OFD1: variants seen among roughly 807,000 people sequenced by gnomAD.
OFD1 encodes the protein centriole and centriolar satellite protein OFD1.
In OFD1, 12 loss-of-function variants were observed where a neutral mutation model predicts 81.4. The ratio of observed to expected loss-of-function variants is 0.15; its 90% CI spans 0.09 to 0.24. The LOEUF is 0.24. OFD1 is among the 10% of genes least tolerant of loss of function. OFD1 has a pLI of 1.00. For synonymous variants in OFD1, 256 were observed against 263.7 expected, an observed-to-expected ratio of 0.97 and a Z score of 0.28; for missense variants, 685 against 733.9, an observed-to-expected ratio of 0.93 and a Z score of 0.77.
the OFD1 span, among the ~76,000 whole-genome samples, chrX:13,718,049 A>G: frequency 1.8e-5 from 2 of 112,505 alleles, no homozygotes; most frequent in Non-Finnish European, 3.8e-5. Flanking sequence ...AGAGGCCTGG[A>G]CAGACCCTTG....
At chrX:13,752,938 G>C in intron 10 of OFD1, 1 of 905,385 alleles carries the variant, frequency 1.1e-6, no homozygotes, top group Non-Finnish European at 1.4e-6. Context: ...CTTAGTCCCT[G>C]AGCACAAAAG....
chrX:13,766,408 T>C lies in OFD1; in HGVS notation c.2600-719T>C, dbSNP rs907700625. The stretch of plus-strand genomic sequence containing the variant: ...GAGTGGATAGAGGGTAGAAAGAGCA[T>C]GATCGAAGGACCGGGATGATCATGC... On this transcript the variant is annotated intron_variant, in intron 19 of 22. Transcript: ENST00000340096. Among the ~76,000 whole-genome samples, 4 of 111,548 alleles carry C rather than the reference T, an allele frequency of 3.6e-5. No individual in the cohort carries two copies. The Admixed American group carries it at 3.8e-4, about 11-fold the overall frequency.
Position 13,750,161 on chromosome X carries a change from T to C in OFD1, c.935+628T>C, listed in dbSNP as rs149515001. Among the ~76,000 whole-genome samples, 127 of 112,161 alleles carry C rather than the reference T, an allele frequency of 1.1e-3. No individual in the cohort carries two copies. Among genetic ancestry groups the C allele is most frequent in the Non-Finnish European group, 1.9e-3 (101 of 53,234 alleles). On this transcript the variant is annotated intron_variant, in intron 9 of 22. Coordinates refer to ENST00000340096, the MANE Select transcript of OFD1 (RefSeq NM_003611.3). ...ATTTGGCTCCATTAATGTTTTTTTC[T>C]CACTTCTATAGGCTTGATTTGTTTG...
chrX:13,749,592 A>C (rs2047428479), intron 9 of OFD1, 59 bp downstream of exon 9: 1 of 718,637 alleles, frequency 1.4e-6, no homozygotes, highest in Non-Finnish European at 2.2e-6. Flanking sequence ...AGAATTACTA[A>C]ATATATATCT....
chrX:13,769,820 C>A (rs4830892), downstream of OFD1, among the ~76,000 whole-genome samples: 38,328 of 110,337 alleles, frequency 0.35, 5,570 homozygotes, highest in African/African-American at 0.52. Context: ...TCTTGGAAGC[C>A]GAGACCGGGC....
chrX:13,734,632 A>T (rs532471151), upstream of OFD1: 6 of 847,814 alleles, frequency 7.1e-6, no homozygotes, highest in South Asian at 2.7e-4. Flanking sequence ...ATACCCTGGG[A>T]TGTGCTCTCG....
At chrX:13,761,810 GCAGAGGGA>G (rs2147056554) in intron 17 of OFD1, among the ~76,000 whole-genome samples, 1 of 109,821 alleles carries the variant, frequency 9.1e-6, no homozygotes, top group East Asian at 2.9e-4. Context: ...GGGCCCCACA[GCAGAGGGA>G]ACTGACTCCT....
chrX:13,723,095 CAAAAA>C, the OFD1 span, among the ~76,000 whole-genome samples: 3 of 62,766 alleles, frequency 4.8e-5, no homozygotes, highest in Non-Finnish European at 6.0e-5. Flanking sequence ...GACTCCATCT[CAAAAA>C]AAAAAAAAAA....
At chrX:13,719,838 T>C in the OFD1 span, 2 of 985,560 alleles carry the variant, frequency 2.0e-6, no homozygotes, top group Non-Finnish European at 2.8e-6. Context: ...TATTATACCA[T>C]ATCATTACAA....
intron 19 of OFD1, among the ~76,000 whole-genome samples, chrX:13,764,670 G>C (rs146545844): frequency 0.014 from 1,601 of 112,338 alleles, 31 homozygotes; most frequent in African/African-American, 0.048. Context: ...CAAAACCCCT[G>C]TTAGCAGTTT....
At chrX:13,722,927 G>A in the OFD1 span, among the ~76,000 whole-genome samples, 1 of 110,089 alleles carries the variant, frequency 9.1e-6, no homozygotes, top group South Asian at 3.9e-4. Flanking sequence ...GCCGAGTGTG[G>A]TGGTGGGCAC....
Position 13,765,930 on chromosome X carries a change from AAGG to A in OFD1, c.2600-1190_2600-1188del, listed in dbSNP as rs765997081. On this transcript the variant is annotated intron_variant, in intron 19 of 22. Transcript: ENST00000340096. Reference sequence around the variant, plus strand: ...AGTGGTTAGTTGTCACTTCAGGAATAAGGAGGAGGTGGCATTTCAGTTGGGTCT... The same window carrying A: ...AGTGGTTAGTTGTCACTTCAGGAATAAGGAGGTGGCATTTCAGTTGGGTCT... Among the ~76,000 whole-genome samples, 8 of 112,220 alleles carry A rather than the reference AAGG, an allele frequency of 7.1e-5. No homozygotes were observed. In the South Asian group the frequency reaches 2.9e-3, roughly 41 times the overall value.
chrX:13,764,034 A>G (rs2048032957), intron 19 of OFD1, among the ~76,000 whole-genome samples, 179 bp downstream of exon 19: 1 of 111,924 alleles, frequency 8.9e-6, no homozygotes, highest in Non-Finnish European at 1.9e-5. Context: ...AGTAATTCCC[A>G]TGTGAACATG....
chrX:13,733,941 G>A (rs1171591617), upstream of OFD1: 1 of 502,268 alleles, frequency 2.0e-6, no homozygotes, highest in Non-Finnish European at 3.6e-6. Context: ...ATGTATCTTA[G>A]TTCTTGTTCA....
In OFD1 at chrX:13,738,833, A is replaced by G. The variant is rs1436212635; in HGVS notation, c.313-13A>G. The stretch of plus-strand genomic sequence containing the variant: ...TAAAAATATGTCTACTTAGTAACCT[A>G]TTTTTTCTTAAGGTATTTACTATGC... On this transcript the variant is annotated splice_polypyrimidine_tract_variant and intron_variant, in intron 3 of 22. Transcript: ENST00000340096. The G allele has an allele frequency of 9.5e-7, 1 of 1,051,223 alleles. No individual in the cohort carries two copies. The highest frequency in any genetic ancestry group is 1.3e-6 in the Non-Finnish European group (1 of 754,220). 86.6% of individuals were successfully genotyped at this position (1,051,223 alleles called of 1,213,427 possible). A position where few individuals can be genotyped will look rare whatever the true frequency, so the allele number is the denominator to read the frequency against.
intron 15 of OFD1, among the ~76,000 whole-genome samples, chrX:13,758,716 C>T (rs1268891714): frequency 9.0e-6 from 1 of 111,184 alleles, no homozygotes; most frequent in Non-Finnish European, 1.9e-5. Context: ...ATAGAAGTCC[C>T]CATATTCATT....
Position 13,738,893 on chromosome X carries a change from T to C in OFD1, c.360T>C (p.Thr120=), listed in dbSNP as rs199934720. 8.4e-7 allele frequency: 1 copy of C among 1,192,846 alleles called. No homozygotes were observed. Among genetic ancestry groups the C allele is most frequent in the African/African-American group, 1.8e-5 (1 of 56,927 alleles). ...TACAACTCATTAAAATCAACCCTAC[T>C]TCCAGTCTCTACAAATCACTGGTAA... The part of the protein sequence containing the change: ...DLLQLIKINP[T]SSLYKSLVSG... Residue 120 remains threonine (T), a synonymous_variant, in exon 4 of 23, where the codon ACT becomes ACC. Transcript: ENST00000340096.
At chrX:13,773,302 A>G, downstream of OFD1, 1 of 196,458 alleles carries the variant, frequency 5.1e-6, no homozygotes, top group Non-Finnish European at 8.7e-6. Flanking sequence ...ATGAAATACG[A>G]GAGGGTGCTT....
At chrX:13,733,743 C>T (rs779076930), upstream of OFD1, among the ~76,000 whole-genome samples, 17 of 110,681 alleles carry the variant, frequency 1.5e-4, no homozygotes, top group South Asian at 3.8e-4. Flanking sequence ...CCAAGAAGGT[C>T]GTGGCTTTTT....
Sources: allele counts gnomAD v4.1 joint callset (sites outside exome capture counted in the v4.1 genomes callset), GRCh38; gene constraint gnomAD v4.1.1; transcripts MANE v1.5; gene names NCBI Gene and HGNC (gene_info 2026-07-23, HGNC 2026-07-21).